YWHAE: variants seen among roughly 807,000 people sequenced by gnomAD.
YWHAE encodes 14-3-3 protein epsilon.
In YWHAE, 4 loss-of-function variants were observed where a neutral mutation model predicts 30.1. That is an observed-to-expected ratio of 0.13 (90% confidence interval 0.07 to 0.30). The LOEUF is 0.30. Ranked by LOEUF, YWHAE falls within the 10% of genes least tolerant of loss-of-function variation. The probability of loss-of-function intolerance (pLI) is 1.00; values close to 1 mark genes in which losing one functional copy is unlikely to be tolerated. For missense variants in YWHAE, 121 were observed against 315.9 expected, an observed-to-expected ratio of 0.38 and a Z score of 4.68; for synonymous variants, 118 against 111.8, an observed-to-expected ratio of 1.06 and a Z score of -0.35.
intron 4 of YWHAE, among the ~76,000 whole-genome samples, chr17:1,359,957 G>C (rs1233315008): frequency 1.6e-5 from 2 of 124,428 alleles, no homozygotes; most frequent in Admixed American, 1.6e-4. Flanking sequence ...GGGGAGAGAG[G>C]GGGAGAGAGA....
rs572135456 is a variant in YWHAE, at chr17:1,361,405, T to A, written c.372-107A>T. 50 of 856,792 alleles carry A rather than the reference T, an allele frequency of 5.8e-5. 1 individual carries two copies. In the East Asian group the frequency reaches 1.3e-3, roughly 23 times the overall value. The allele number at this position is 856,792 out of a possible 1,614,324, so 53.1% of individuals were successfully genotyped here. ...TATATTATATAAAATGTGACAAAAA[T>A]ATATGTAACAATTAGGTGTACTTCA... On this transcript the variant is annotated intron_variant, in intron 3 of 5. Transcript: ENST00000264335.
intron 1 of YWHAE, among the ~76,000 whole-genome samples, chr17:1,388,654 T>A (rs1428990997): frequency 6.7e-6 from 1 of 148,332 alleles, no homozygotes; most frequent in East Asian, 2.0e-4. Context: ...TCAAATGACC[T>A]CCCACCTTGG....
intron 1 of YWHAE, among the ~76,000 whole-genome samples, chr17:1,393,682 C>T (rs2073422266): frequency 6.6e-6 from 1 of 152,234 alleles, no homozygotes; most frequent in African/African-American, 2.4e-5. Flanking sequence ...CCGCCCACCT[C>T]GGCCTCCCAC....
At chr17:1,390,630 G>A (rs2073375644) in intron 1 of YWHAE, among the ~76,000 whole-genome samples, 1 of 152,208 alleles carries the variant, frequency 6.6e-6, no homozygotes. Context: ...GGAACCCAGT[G>A]ATTCCTGTGC....
chr17:1,399,172 CT>C (rs2073523507), intron 1 of YWHAE: 3 of 152,104 alleles, frequency 2.0e-5, no homozygotes, highest in Admixed American at 2.0e-4. Flanking sequence ...GGCTCGAACT[CT>C]CAGAGTCGTG....
intron 2 of YWHAE, among the ~76,000 whole-genome samples, chr17:1,363,185 G>A (rs555508731): frequency 2.6e-5 from 4 of 152,248 alleles, no homozygotes; most frequent in South Asian, 4.1e-4. Flanking sequence ...CTCTTGGCCC[G>A]TGGCTTCCTT....
intron 1 of YWHAE, among the ~76,000 whole-genome samples, chr17:1,375,787 G>C (rs1309216929): frequency 6.6e-6 from 1 of 152,228 alleles, no homozygotes; most frequent in Admixed American, 6.5e-5. Context: ...TGCCAGTAGA[G>C]TCACAAGTTT....
intron 1 of YWHAE, among the ~76,000 whole-genome samples, chr17:1,393,247 G>A (rs982758686): frequency 1.3e-5 from 2 of 151,336 alleles, no homozygotes; most frequent in African/African-American, 4.9e-5. Flanking sequence ...CCTGAGACTG[G>A]AAGGTAGAGG....
intron 4 of YWHAE, among the ~76,000 whole-genome samples, chr17:1,359,722 G>A (rs2072822722): frequency 6.6e-6 from 1 of 151,172 alleles, no homozygotes. Context: ...TTGTTTAATG[G>A]CTATAATTCG....
At chr17:1,365,235 T>C (rs2072924156) in intron 1 of YWHAE, among the ~76,000 whole-genome samples, 177 bp from the exon 2 acceptor site, 2 of 137,486 alleles carry the variant, frequency 1.5e-5, no homozygotes, top group South Asian at 2.3e-4. Context: ...GAAACCAAAC[T>C]AAGAGCCAAT....
Position 1,378,494 on chromosome 17 carries a change from T to TAAA in YWHAE, c.65-13439_65-13437dup, listed in dbSNP as rs2073156474. 2.6e-5 allele frequency among the ~76,000 whole-genome samples: 4 copies of TAAA among 152,306 alleles called. No homozygotes were observed. In the South Asian group the frequency reaches 8.3e-4, roughly 32 times the overall value. ...ACTCTCTTGTTACTATTCAGAAATA[T>TAAA]AAAGATGGAGCAAAATTTTTTCTAA... On this transcript the variant is annotated intron_variant, in intron 1 of 5. Transcript: ENST00000264335.
At chr17:1,361,690 G>A (rs1333900829) in intron 3 of YWHAE, 1 of 493,536 alleles carries the variant, frequency 2.0e-6, no homozygotes, top group East Asian at 3.3e-5. Context: ...GAGGGGAATG[G>A]GATAGGTCTC....
chr17:1,392,665 T>A (rs963333210), intron 1 of YWHAE, among the ~76,000 whole-genome samples: 5 of 151,352 alleles, frequency 3.3e-5, no homozygotes, highest in Admixed American at 1.3e-4. Context: ...GCCTGGCTAA[T>A]ATGGTGAAAC....
At chr17:1,353,096 A>C (rs1357651341) in intron 5 of YWHAE, among the ~76,000 whole-genome samples, 2 of 152,152 alleles carry the variant, frequency 1.3e-5, no homozygotes, top group African/African-American at 2.4e-5. Flanking sequence ...TCAACATCAC[A>C]ATTAAGTTTA....
chr17:1,378,949 CA>C (rs71373922), intron 1 of YWHAE, among the ~76,000 whole-genome samples: 4,842 of 94,842 alleles, frequency 0.051, 60 homozygotes, highest in Middle Eastern at 0.077. Context: ...AACTCTGTCT[CA>C]AAAAAAAAAA....
intron 1 of YWHAE, among the ~76,000 whole-genome samples, chr17:1,394,221 G>C (rs981085418): frequency 6.6e-6 from 1 of 151,940 alleles, no homozygotes; most frequent in African/African-American, 2.4e-5. Flanking sequence ...CCAGAAAATG[G>C]GAGTAACGCT....
At chr17:1,345,536 GACT>G in intron 5 of YWHAE, 37 bp from the exon 6 acceptor site, 2 of 1,602,294 alleles carry the variant, frequency 1.2e-6, no homozygotes. Flanking sequence ...ATTTCGTATT[GACT>G]ACATTAGGCT....
chr17:1,394,689 A>C (rs544684275), intron 1 of YWHAE, among the ~76,000 whole-genome samples: 1 of 152,076 alleles, frequency 6.6e-6, no homozygotes, highest in Non-Finnish European at 1.5e-5. Context: ...AATTTAGGCC[A>C]GGTACAGTGG....
intron 1 of YWHAE, among the ~76,000 whole-genome samples, chr17:1,388,842 A>G (rs1243277200): frequency 1.3e-5 from 2 of 152,234 alleles, no homozygotes; most frequent in Non-Finnish European, 2.9e-5. Context: ...CTGTCATACA[A>G]CAGTGACAAT....
Sources: gnomAD v4.1 joint callset for allele counts (sites outside exome capture counted in the v4.1 genomes callset) on GRCh38, gnomAD v4.1.1 for gene constraint, MANE v1.5 for transcripts, NCBI Gene and HGNC (gene_info 2026-07-23, HGNC 2026-07-21) for gene names.